The following HGSNAT variants were observed in gnomAD, a reference collection of about 807,000 sequenced individuals.
HGSNAT encodes heparan-alpha-glucosaminide N-acetyltransferase.
A neutral mutation model predicts 85.2 loss-of-function variants in HGSNAT; 59 were observed. The ratio of observed to expected loss-of-function variants is 0.69; its 90% CI spans 0.56 to 0.86. The LOEUF is 0.86. HGSNAT is among the 40% of genes least tolerant of loss of function. The pLI is 0.00. For missense variants in HGSNAT, 756 were observed against 777.1 expected (o/e 0.97, Z 0.32); for synonymous variants, 321 against 304.5 (o/e 1.05, Z -0.56).
At chr8:43,178,034 T>A (rs1803873749) in intron 9 of HGSNAT, 40 bp from the exon 10 acceptor site, 1 of 1,562,264 alleles carries the variant, frequency 6.4e-7, no homozygotes. Context: ...AGACAAAAAA[T>A]TTGGAAATGG....
At position 43,202,013 on chromosome 8, in the gene HGSNAT, A is replaced by G. The variant is rs1448258811; in HGVS notation, c.*2444A>G. 1 of 152,358 alleles carries G rather than the reference A, an allele frequency of 6.6e-6. No homozygotes were observed. Among genetic ancestry groups the G allele is most frequent in the Non-Finnish European group, 1.5e-5 (1 of 68,074 alleles). The allele number at this position is 152,358 out of a possible 1,614,324, so 9.4% of individuals were successfully genotyped here. A position where few individuals can be genotyped will look rare whatever the true frequency, so the allele number is the denominator to read the frequency against. ...TCCCAAAGTTCAGCAGGGAAAGCTG[A>G]GCTGGGCCTCTCCAGGTGAGTTTTC... is the stretch of plus-strand genomic sequence containing the variant. On this transcript the variant is annotated 3_prime_UTR_variant, in exon 18 of 18. Transcript: ENST00000379644.
intron 11 of HGSNAT, among the ~76,000 whole-genome samples, chr8:43,189,350 C>A (rs574655184): frequency 2.0e-5 from 3 of 152,174 alleles, no homozygotes; most frequent in South Asian, 2.1e-4. Context: ...CCCTTCCCCC[C>A]AGCCTCGCTG....
intron 14 of HGSNAT, chr8:43,194,060 T>A (rs1586753894): frequency 1.7e-6 from 2 of 1,161,702 alleles, no homozygotes; most frequent in East Asian, 3.4e-5. Context: ...CTCAAAAAAA[T>A]TCTTACTTAT....
chr8:43,194,090 C>G (rs1804632135), intron 14 of HGSNAT: 1 of 1,257,416 alleles, frequency 8.0e-7, no homozygotes, highest in Non-Finnish European at 1.0e-6. Flanking sequence ...CTTAGCACGG[C>G]AGTTTCTAGA....
intron 5 of HGSNAT, among the ~76,000 whole-genome samples, chr8:43,162,602 A>T (rs1803300880): frequency 6.7e-6 from 1 of 149,416 alleles, no homozygotes; most frequent in Non-Finnish European, 1.5e-5. Context: ...TCCAGGCTGG[A>T]GTGCAGTGGT....
intron 8 of HGSNAT, 80 bp from the exon 9 acceptor site, chr8:43,173,633 G>A: frequency 1.4e-6 from 2 of 1,443,674 alleles, no homozygotes; most frequent in Non-Finnish European, 1.9e-6. Flanking sequence ...CTATACCAGT[G>A]TGTAATGAAG....
intron 9 of HGSNAT, among the ~76,000 whole-genome samples, chr8:43,175,268 T>C (rs1049221138): frequency 6.6e-6 from 1 of 152,218 alleles, no homozygotes; most frequent in Non-Finnish European, 1.5e-5. Context: ...GATCATATGG[T>C]ACCTCTACTT....
rs747209768 is a variant in HGSNAT at position 43,197,653 on chromosome 8, C to T, written c.1543-19C>T. The T allele has an allele frequency of 1.9e-5, 30 of 1,577,650 alleles. No individual in the cohort carries two copies. In the South Asian group the frequency reaches 2.9e-4, roughly 15 times the overall value. On this transcript the variant is annotated intron_variant, in intron 15 of 17. Coordinates refer to ENST00000379644, the MANE Select transcript of HGSNAT (RefSeq NM_152419.3). ...GATAATAATATAAAATGTTAACATC[C>T]TTCTCTTCCCCATTACAGGGGCTCA... is the stretch of plus-strand genomic sequence containing the variant.
At chr8:43,165,562 C>G (rs1164497618) in intron 5 of HGSNAT, among the ~76,000 whole-genome samples, 1 of 152,192 alleles carries the variant, frequency 6.6e-6, no homozygotes, top group African/African-American at 2.4e-5. Context: ...AGCTAGGCCT[C>G]TTGTGCCCAA....
chr8:43,173,621 T>G, intron 8 of HGSNAT, 92 bp from the exon 9 acceptor site: 1 of 1,391,932 alleles, frequency 7.2e-7, no homozygotes, highest in Non-Finnish European at 1.0e-6. Flanking sequence ...TGGGTTTACT[T>G]TCTATACCAG....
intron 2 of HGSNAT, among the ~76,000 whole-genome samples, chr8:43,149,854 G>A (rs1802844855): frequency 6.6e-6 from 1 of 152,142 alleles, no homozygotes; most frequent in Non-Finnish European, 1.5e-5. Context: ...AGATATTTAA[G>A]GTGAAGGTAT....
At position 43,158,595 on chromosome 8, in the gene HGSNAT, A is replaced by T; in HGVS notation, c.255A>T (p.Val85=). Residue 85 remains valine (V), a synonymous_variant, in exon 3 of 18, where the codon GTA becomes GTT. Transcript: ENST00000379644. Reference sequence around the variant, plus strand: ...TACAGTGCTTGTTTCAGGTTCTGGTAAACGTTCCTCAGAGTCCAAAAGCAG... The same window carrying T: ...TACAGTGCTTGTTTCAGGTTCTGGTTAACGTTCCTCAGAGTCCAAAAGCAG... The part of the protein sequence containing the change: ...CCYHCLFQVL[V]NVPQSPKAGK... The T allele has an allele frequency of 6.2e-7, 1 of 1,613,952 alleles. No individual in the cohort carries two copies.
At position 43,186,067 on chromosome 8, in the gene HGSNAT, G is replaced by A. The variant is rs1247251239; in HGVS notation, c.1128+3807G>A. On this transcript the variant is annotated intron_variant, in intron 11 of 17. Transcript: ENST00000379644. ...GTATTTTATTGAGGATTTTTGCATC[G>A]ATGTTCATCAGGGATATTGGTCTAA... is the stretch of plus-strand genomic sequence containing the variant. 3.3e-5 allele frequency among the ~76,000 whole-genome samples: 5 copies of A among 152,182 alleles called. No individual in the cohort carries two copies. In the South Asian group the frequency reaches 8.3e-4, roughly 25 times the overall value.
At chr8:43,194,432 CAG>C (rs990089924) in intron 14 of HGSNAT, 1 of 985,294 alleles carries the variant, frequency 1.0e-6, no homozygotes, top group Non-Finnish European at 1.2e-6. Flanking sequence ...ATGGAGTGTG[CAG>C]AGTGTGTGGG....
chr8:43,162,486 C>A, intron 5 of HGSNAT, among the ~76,000 whole-genome samples: 1 of 151,810 alleles, frequency 6.6e-6, no homozygotes, highest in East Asian at 1.9e-4. Flanking sequence ...TCTCATCAAC[C>A]TTTTGATAAA....
In HGSNAT at chr8:43,197,966, A is replaced by G; in HGVS notation, c.1726+14A>G. On this transcript the variant is annotated intron_variant, in intron 17 of 17. Coordinates refer to ENST00000379644, the MANE Select transcript of HGSNAT (RefSeq NM_152419.3). ...TCTTTTATCCAGGTAAGTCACCTCCAACCTCAAACAGAGCTGGGATGGTGA... is the reference window on the plus strand; with the variant it reads ...TCTTTTATCCAGGTAAGTCACCTCCGACCTCAAACAGAGCTGGGATGGTGA... 6.4e-7 allele frequency: 1 copy of G among 1,565,256 alleles called. No homozygotes were observed. The highest frequency in any genetic ancestry group is 1.7e-5 in the Admixed American group (1 of 58,654).
At chr8:43,164,788 T>TA (rs1001961538) in intron 5 of HGSNAT, among the ~76,000 whole-genome samples, 15 of 152,032 alleles carry the variant, frequency 9.9e-5, no homozygotes, top group African/African-American at 3.6e-4. Context: ...TCTCAAAAAA[T>TA]AAAAAATAAA....
intron 4 of HGSNAT, among the ~76,000 whole-genome samples, chr8:43,160,989 A>C (rs1803249086): frequency 6.6e-6 from 1 of 152,220 alleles, no homozygotes; most frequent in Admixed American, 6.5e-5. Context: ...AGCAAAAGCG[A>C]GGCTGGGTCC....
intron 6 of HGSNAT, among the ~76,000 whole-genome samples, 198 bp downstream of exon 6, chr8:43,169,440 T>C (rs759673019): frequency 6.6e-6 from 1 of 152,196 alleles, no homozygotes; most frequent in Non-Finnish European, 1.5e-5. Flanking sequence ...TTCAGTGACA[T>C]TGGAACGTTC....
Sources: allele counts gnomAD v4.1 joint callset (sites outside exome capture counted in the v4.1 genomes callset), GRCh38; gene constraint gnomAD v4.1.1; transcripts MANE v1.5; gene names NCBI Gene and HGNC (gene_info 2026-07-23, HGNC 2026-07-21).